Variants in HMCN2 observed in about 807,000 individuals in gnomAD.
The protein encoded by HMCN2 is hemicentin 2, also known as hemicentin-2.
HMCN2 carries 325 observed loss-of-function variants against 377.5 expected under a neutral mutation model. The observed-to-expected ratio is 0.86, with a 90% confidence interval of 0.79 to 0.94. HMCN2 has a LOEUF of 0.94. HMCN2 is among the 40% of genes least tolerant of loss of function. The probability of loss-of-function intolerance (pLI) is 0.00; values close to 1 mark genes in which losing one functional copy is unlikely to be tolerated. For missense variants in HMCN2, 4,543 were observed against 4,725.3 expected (o/e 0.96, Z 1.13); for synonymous variants, 2,007 against 2,046.8 (o/e 0.98, Z 0.53).
Position 130,395,925 on chromosome 9 carries a change from A to T in HMCN2, c.10913A>T (p.Glu3638Val). The T allele has an allele frequency of 7.8e-7, 1 of 1,286,826 alleles. No homozygotes were observed. The allele number at this position is 1,286,826 out of a possible 1,614,324, so 79.7% of individuals were successfully genotyped here. The change falls in exon 72 of 98, where the codon GAG becomes GTG. Residue 3638 changes from glutamate to valine, a missense_variant and splice_region_variant. By Grantham distance (121) the Glu-to-Val change is moderately radical. Around this residue, in one of 5 missense-constraint regions of HMCN2, gnomAD observed 1,073 missense variants for 1,319.5 expected, o/e 0.81. Transcript: ENST00000683500. ...GTCCACCCTGGCGGGGCTCTCCAGGAGGACGCCCACACACAATTCCCGGAG... is the reference window on the plus strand; with the variant it reads ...GTCCACCCTGGCGGGGCTCTCCAGGTGGACGCCCACACACAATTCCCGGAG... ...TWHRDGIVLQ[E>V]DAHTQFPERG...
intron 74 of HMCN2, among the ~76,000 whole-genome samples, 178 bp from the exon 75 acceptor site, chr9:130,398,373 G>A (rs535630308): frequency 6.6e-5 from 10 of 152,178 alleles, no homozygotes; most frequent in African/African-American, 2.4e-4. Context: ...GATGGGGAAA[G>A]CCCAAAACAC....
Position 130,424,848 on chromosome 9 carries a change from C to A in HMCN2, c.13454C>A (p.Ala4485Asp). The change falls in exon 88 of 98, where the codon GCC (alanine) becomes GAC (aspartate). Residue 4485 changes from alanine to aspartate, a missense_variant. Physicochemically the swap from Ala to Asp is moderately radical, Grantham distance 126. This residue lies in a region of HMCN2 where 1,155 missense variants were observed against 1,157.7 expected (regional missense o/e 1.00). Coordinates refer to ENST00000683500, the MANE Select transcript of HMCN2 (RefSeq NM_001291815.2). Reference sequence around the variant, plus strand: ...GCCCTGGCCAGAGAGAGTGGGGAAGCCCTGAATGGCCACTCTCTGACTGGG... The same window carrying A: ...GCCCTGGCCAGAGAGAGTGGGGAAGACCTGAATGGCCACTCTCTGACTGGG... ...YWALARESGE[A>D]LNGHSLTGGR... 2.7e-6 allele frequency: 4 copies of A among 1,491,344 alleles called. No homozygotes were observed. The highest frequency in any genetic ancestry group is 3.6e-6 in the Non-Finnish European group (4 of 1,115,366). 92.4% of individuals were successfully genotyped at this position (1,491,344 alleles called of 1,614,324 possible).
rs1468592463 is a variant in HMCN2 at position 130,351,934 on chromosome 9, C to T, written c.4585+357C>T. ...TCAAGTGATTCTCTTGCCTCAGCCT[C>T]CCGAGTAGCTGGGATTACAGGTGCC... On this transcript the variant is annotated intron_variant, in intron 30 of 97. Coordinates refer to ENST00000683500, the MANE Select transcript of HMCN2 (RefSeq NM_001291815.2). The surrounding 1 kb of genome is among the most constrained non-coding windows in gnomAD (Gnocchi z 5.4). Among the ~76,000 whole-genome samples the T allele has an allele frequency of 1.3e-5, 2 of 152,100 alleles. No homozygotes were observed. Among genetic ancestry groups the T allele is most frequent in the Admixed American group, 6.5e-5 (1 of 15,270 alleles).
chr9:130,339,053 T>C (rs1292219078), intron 23 of HMCN2, among the ~76,000 whole-genome samples: 1 of 151,874 alleles, frequency 6.6e-6, no homozygotes, highest in Admixed American at 6.6e-5. Flanking sequence ...CCACTTGCAA[T>C]GGTCCGCACC....
At position 130,407,637 on chromosome 9, in the gene HMCN2, G is replaced by A. The variant is rs1447944494; in HGVS notation, c.12620G>A (p.Gly4207Glu). Residue 4207 changes from glycine to glutamate, a missense_variant, in exon 83 of 98, where the codon GGG becomes GAG. By Grantham distance (98) the Gly-to-Glu change is moderately conservative. This residue lies in a region of HMCN2 where 1,073 missense variants were observed against 1,319.5 expected (regional missense o/e 0.81). Coordinates refer to ENST00000683500, the MANE Select transcript of HMCN2 (RefSeq NM_001291815.2). ...GCCGCTGTCTCCAGAGAAGACAGCG[G>A]GACCTATGTCTGCTGGGCGGAGAAC... is the stretch of plus-strand genomic sequence containing the variant. ...QRAAVSREDS[G>E]TYVCWAENRV... 8.6e-6 allele frequency: 11 copies of A among 1,286,380 alleles called. No homozygotes were observed. Among genetic ancestry groups the A allele is most frequent in the Non-Finnish European group, 1.1e-5 (11 of 986,652 alleles). The allele number at this position is 1,286,380 out of a possible 1,614,324, so 79.7% of individuals were successfully genotyped here.
At position 130,384,738 on chromosome 9, in the gene HMCN2, A is replaced by G; in HGVS notation, c.9046A>G (p.Thr3016Ala). The G allele has an allele frequency of 7.7e-7, 1 of 1,303,040 alleles. No homozygotes were observed. The highest frequency in any genetic ancestry group is 1.0e-6 in the Non-Finnish European group (1 of 988,942). 80.7% of individuals were successfully genotyped at this position (1,303,040 alleles called of 1,614,324 possible). Residue 3016 changes from threonine to alanine, a missense_variant, in exon 59 of 98, where the codon ACA becomes GCA. Physicochemically the swap from Thr to Ala is moderately conservative, Grantham distance 58. This residue lies in a region of HMCN2 where 736 missense variants were observed against 773.2 expected (regional missense o/e 0.95). Coordinates refer to ENST00000683500, the MANE Select transcript of HMCN2 (RefSeq NM_001291815.2). ...ACGGCTGTCGGACTCCGGGATGTACACATGCGAAGCCCTCAATGCTGCCGG... is the reference window on the plus strand; with the variant it reads ...ACGGCTGTCGGACTCCGGGATGTACGCATGCGAAGCCCTCAATGCTGCCGG... ...RARLSDSGMY[T>A]CEALNAAGRD...
chr9:130,288,980 C>T (rs548946860), intron 4 of HMCN2, among the ~76,000 whole-genome samples: 13 of 152,316 alleles, frequency 8.5e-5, no homozygotes, highest in Admixed American at 2.6e-4. Context: ...TAGACAAGTC[C>T]AAGCACCTGC....
At chr9:130,273,028 A>G (rs1564735417) in intron 1 of HMCN2, among the ~76,000 whole-genome samples, 1 of 151,758 alleles carries the variant, frequency 6.6e-6, no homozygotes, top group African/African-American at 2.4e-5. Context: ...TTTTCAAAAA[A>G]CTCTATTGTT....
chr9:130,392,824 G>A (rs868536657), intron 66 of HMCN2, among the ~76,000 whole-genome samples: 23 of 151,884 alleles, frequency 1.5e-4, no homozygotes, highest in Non-Finnish European at 2.6e-4. Context: ...GTGAAACCCC[G>A]TCTCTACTAA....
At chr9:130,400,444 G>T (rs1842810914) in intron 76 of HMCN2, 1 of 165,476 alleles carries the variant, frequency 6.0e-6, no homozygotes, top group South Asian at 1.6e-4. Context: ...GCCTAAGGAA[G>T]GGTGAACCTG....
rs1184918364 is a variant in HMCN2, at chr9:130,432,576, G to T, written c.14894+21G>T. ...CCTGGGTAAGGGCTGAGTTGGCAGG[G>T]CCTCGTGCCCTCAGGAAAAGCACAT... On this transcript the variant is annotated intron_variant, in intron 97 of 97. Coordinates refer to ENST00000683500, the MANE Select transcript of HMCN2 (RefSeq NM_001291815.2). The T allele has an allele frequency of 7.8e-6, 12 of 1,547,666 alleles. No homozygotes were observed. The African/African-American group carries it at 9.6e-5, about 12-fold the overall frequency.
At chr9:130,430,167 G>A (rs1844651483) in intron 94 of HMCN2, 117 bp from the exon 95 acceptor site, 1 of 840,636 alleles carries the variant, frequency 1.2e-6, no homozygotes, top group South Asian at 1.8e-5. Context: ...CATGCAGCAT[G>A]GGAGTGGCTG....
chr9:130,351,734 G>A lies in HMCN2; in HGVS notation c.4585+157G>A, dbSNP rs1839727261. 6.6e-6 allele frequency among the ~76,000 whole-genome samples: 1 copy of A among 152,010 alleles called. No individual in the cohort carries two copies. Reference sequence around the variant, plus strand: ...GCTGGGGGCTGGGGTCGGGGTTGGGGTCAGGGTCAGGGGATAGAGGTTATC... The same window carrying A: ...GCTGGGGGCTGGGGTCGGGGTTGGGATCAGGGTCAGGGGATAGAGGTTATC... On this transcript the variant is annotated intron_variant, in intron 30 of 97. Coordinates refer to ENST00000683500, the MANE Select transcript of HMCN2 (RefSeq NM_001291815.2). This position sits in a 1 kb window ranked among gnomAD's most constrained non-coding sequence, Gnocchi z 5.4.
chr9:130,328,860 C>T (rs1246696939), intron 22 of HMCN2, among the ~76,000 whole-genome samples: 1 of 152,154 alleles, frequency 6.6e-6, no homozygotes, highest in Non-Finnish European at 1.5e-5. Context: ...GCTGAAAACT[C>T]GCTCCCTTTC....
At chr9:130,342,567 C>G (rs1177465146) in intron 25 of HMCN2, 131 bp downstream of exon 25, 1 of 152,224 alleles carries the variant, frequency 6.6e-6, no homozygotes, top group Non-Finnish European at 1.5e-5. Flanking sequence ...CAGCAGCATG[C>G]CAGGTGGTTC....
intron 85 of HMCN2, among the ~76,000 whole-genome samples, chr9:130,411,632 G>T (rs1377436966): frequency 6.7e-6 from 1 of 148,604 alleles, no homozygotes; most frequent in East Asian, 2.0e-4. Context: ...CAAAAGGAAT[G>T]CAATGCAATT....
In HMCN2 at chr9:130,424,002, C is replaced by T. The variant is rs1016457774; in HGVS notation, c.13382-774C>T. 2.6e-5 allele frequency among the ~76,000 whole-genome samples: 4 copies of T among 151,412 alleles called. No homozygotes were observed. The East Asian group carries it at 7.8e-4, about 29-fold the overall frequency. On this transcript the variant is annotated intron_variant, in intron 87 of 97. Transcript: ENST00000683500. ...TCTTCTTTTTTTTTTCTTTTTGAGA[C>T]TGCTTCTCGCTTTGTTGCCCAGGCT... is the stretch of plus-strand genomic sequence containing the variant.
intron 29 of HMCN2, among the ~76,000 whole-genome samples, chr9:130,350,806 C>T (rs1169806330): frequency 2.7e-5 from 4 of 148,778 alleles, no homozygotes; most frequent in South Asian, 2.2e-4. Flanking sequence ...CTTGGGAGGC[C>T]GAGGCAGGAG....
Position 130,373,691 on chromosome 9 carries a change from AGATG to A in HMCN2, c.7438+575_7438+578del, listed in dbSNP as rs1841194600. Among the ~76,000 whole-genome samples the A allele has an allele frequency of 3.7e-5, 2 of 54,096 alleles. 1 individual carries two copies. The highest frequency in any genetic ancestry group is 4.6e-4 in the Admixed American group (2 of 4,320). 35.5% of individuals were successfully genotyped at this position (54,096 alleles called of 152,430 possible). The stretch of plus-strand genomic sequence containing the variant: ...TGGATGGATGGATGGATGGATGGAT[AGATG>A]GATGGATAGGTAGATGGATGGATGG... On this transcript the variant is annotated intron_variant, in intron 48 of 97. Coordinates refer to ENST00000683500, the MANE Select transcript of HMCN2 (RefSeq NM_001291815.2).
Sources: allele counts gnomAD v4.1 joint callset (sites outside exome capture counted in the v4.1 genomes callset), GRCh38; gene constraint gnomAD v4.1.1; regional missense constraint gnomAD v4.1.1; non-coding constraint Gnocchi (gnomAD v3.1); transcripts MANE v1.5; gene names NCBI Gene and HGNC (gene_info 2026-07-23, HGNC 2026-07-21).